The following COL25A1 variants were observed in gnomAD, a reference collection of about 807,000 sequenced individuals.
COL25A1 encodes the protein collagen type XXV alpha 1 chain.
Under a neutral mutation model 128.4 loss-of-function variants are expected in COL25A1, and 103 were observed. That is an observed-to-expected ratio of 0.80 (90% confidence interval 0.68 to 0.94). The LOEUF (loss-of-function observed/expected upper bound fraction) is 0.94, where lower values mean the gene tolerates loss of function less well. COL25A1 is among the 40% of genes least tolerant of loss of function. COL25A1 has a pLI of 0.00. For missense variants in COL25A1, 745 were observed against 840.0 expected (o/e 0.89, Z 1.40); for synonymous variants, 279 against 277.2 (o/e 1.01, Z -0.06).
chr4:109,208,254 T>G (rs1777170415), intron 3 of COL25A1, among the ~76,000 whole-genome samples: 1 of 152,180 alleles, frequency 6.6e-6, no homozygotes, highest in Non-Finnish European at 1.5e-5. Flanking sequence ...GAGGTAGCTC[T>G]TATGCTTGTG....
intron 3 of COL25A1, among the ~76,000 whole-genome samples, chr4:109,288,246 A>C (rs903296347): frequency 6.6e-6 from 1 of 152,162 alleles, no homozygotes; most frequent in African/African-American, 2.4e-5. Context: ...GAAAAAGAAA[A>C]AGGCTAGATA....
At chr4:109,066,469 T>C (rs1762457695) in intron 3 of COL25A1, among the ~76,000 whole-genome samples, 1 of 152,212 alleles carries the variant, frequency 6.6e-6, no homozygotes, top group South Asian at 2.1e-4. Flanking sequence ...TCCATCATCA[T>C]TACAGCACAT....
intron 19 of COL25A1, among the ~76,000 whole-genome samples, chr4:108,876,507 A>G (rs1055972991): frequency 6.6e-6 from 1 of 152,152 alleles, no homozygotes; most frequent in Non-Finnish European, 1.5e-5. Context: ...TACTCTTGGG[A>G]CAAACAGAAT....
At position 108,818,880 on chromosome 4, in the gene COL25A1, A is replaced by C. The variant is rs555288402; in HGVS notation, c.1923+372T>G. The stretch of plus-strand genomic sequence containing the variant: ...ATACCTTTTTTTTTTTTTAGAGAAA[A>C]AGAAAAAAAGTCAAACTTAGGTGGA... On this transcript the variant is annotated intron_variant, in intron 36 of 37. Coordinates refer to ENST00000399132, the MANE Select transcript of COL25A1 (RefSeq NM_198721.4). Among the ~76,000 whole-genome samples, 4 of 152,048 alleles carry C rather than the reference A, an allele frequency of 2.6e-5. No homozygotes were observed. In the South Asian group the frequency reaches 8.3e-4, roughly 32 times the overall value.
chr4:108,974,211 A>AAG (rs774530774), intron 8 of COL25A1, among the ~76,000 whole-genome samples, 156 bp downstream of exon 8: 117 of 152,226 alleles, frequency 7.7e-4, no homozygotes, highest in Non-Finnish European at 2.9e-4. Flanking sequence ...CCAAATCGTT[A>AAG]ATCAGGTTTT....
At chr4:108,996,592 G>C (rs1353725336) in intron 6 of COL25A1, among the ~76,000 whole-genome samples, 1 of 152,112 alleles carries the variant, frequency 6.6e-6, no homozygotes, top group Non-Finnish European at 1.5e-5. Flanking sequence ...GGATACCCAG[G>C]ACGTGAACTC....
At chr4:108,814,042 A>G in intron 37 of COL25A1, 113 bp from the exon 38 acceptor site, 1 of 791,170 alleles carries the variant, frequency 1.3e-6, no homozygotes. Flanking sequence ...AGAGTCTATA[A>G]GCCAACTGAC....
At chr4:108,908,131 C>T (rs1051674296) in intron 13 of COL25A1, among the ~76,000 whole-genome samples, 1 of 152,152 alleles carries the variant, frequency 6.6e-6, no homozygotes, top group African/African-American at 2.4e-5. Context: ...CTTTTTCCAG[C>T]CCCCTGCTCA....
intron 3 of COL25A1, among the ~76,000 whole-genome samples, chr4:109,256,679 G>A (rs919184756): frequency 5.3e-5 from 8 of 152,016 alleles, no homozygotes; most frequent in Non-Finnish European, 1.0e-4. Flanking sequence ...TGAAAATACC[G>A]GGTATTAAAA....
In COL25A1 at chr4:109,083,448, A is replaced by ATTTTTTTTTTT. The variant is rs60165291; in HGVS notation, c.368-33280_368-33270dup. Among the ~76,000 whole-genome samples, 90 of 77,054 alleles carry ATTTTTTTTTTT rather than the reference A, an allele frequency of 1.2e-3. 4 individuals carry two copies. The highest frequency in any genetic ancestry group is 1.5e-3 in the Non-Finnish European group (61 of 40,598). 50.6% of individuals were successfully genotyped at this position (77,054 alleles called of 152,430 possible). On this transcript the variant is annotated intron_variant, in intron 3 of 37. Coordinates refer to ENST00000399132, the MANE Select transcript of COL25A1 (RefSeq NM_198721.4). ...CACCAATAACTTTTACACTAAATAA[A>ATTTTTTTTTTT]TTTTTTTTTTTTTTTTTTTTTTTTT...
intron 3 of COL25A1, among the ~76,000 whole-genome samples, chr4:109,095,985 CACTA>C (rs1395270315): frequency 3.3e-5 from 5 of 152,148 alleles, no homozygotes; most frequent in African/African-American, 7.2e-5. Context: ...AAGATGAATT[CACTA>C]ACTGAGTGAA....
chr4:109,002,058 A>G (rs1047943414), intron 6 of COL25A1, among the ~76,000 whole-genome samples: 4 of 152,196 alleles, frequency 2.6e-5, no homozygotes, highest in Admixed American at 2.6e-4. Context: ...ACAAAAGATA[A>G]CAAGTGTTGG....
At chr4:108,981,430 AC>A (rs1347573602) in intron 6 of COL25A1, among the ~76,000 whole-genome samples, 3 of 152,228 alleles carry the variant, frequency 2.0e-5, no homozygotes, top group African/African-American at 7.2e-5. Flanking sequence ...AGTTAAAATA[AC>A]TTTTTCTGAA....
rs766322830 is a variant in COL25A1, at chr4:108,834,348, G to A, written c.1657-1915C>T. ...ACATGTCAGAGCAAGACAAGGGACTGACTCACCCGGGATCCTGGCTTTCCG... is the reference window on the plus strand; with the variant it reads ...ACATGTCAGAGCAAGACAAGGGACTAACTCACCCGGGATCCTGGCTTTCCG... On this transcript the variant is annotated intron_variant, in intron 31 of 37. Coordinates refer to ENST00000399132, the MANE Select transcript of COL25A1 (RefSeq NM_198721.4). 5 of 1,550,506 alleles carry A rather than the reference G, an allele frequency of 3.2e-6. No homozygotes were observed. In the South Asian group the frequency reaches 5.9e-5, roughly 18 times the overall value.
chr4:109,230,109 C>G (rs974954971), intron 3 of COL25A1, among the ~76,000 whole-genome samples: 3 of 152,134 alleles, frequency 2.0e-5, no homozygotes, highest in Admixed American at 2.0e-4. Context: ...GCCTCCATGA[C>G]CCAAACACCT....
At chr4:109,005,131 G>T (rs999630997) in intron 6 of COL25A1, among the ~76,000 whole-genome samples, 4 of 152,162 alleles carry the variant, frequency 2.6e-5, no homozygotes, top group African/African-American at 9.7e-5. Flanking sequence ...TTCTGCTTCT[G>T]GGGGAGGCCT....
chr4:108,897,493 G>C (rs1742279527), intron 15 of COL25A1, among the ~76,000 whole-genome samples: 1 of 152,098 alleles, frequency 6.6e-6, no homozygotes, highest in Non-Finnish European at 1.5e-5. Context: ...TGGAGCCAGG[G>C]AGACAGACCA....
At chr4:108,841,777 G>C in intron 30 of COL25A1, 56 bp from the exon 31 acceptor site, 7 of 1,321,832 alleles carry the variant, frequency 5.3e-6, no homozygotes, top group Non-Finnish European at 7.6e-6. Context: ...TTCCCAGCAA[G>C]AGTGAATATT....
intron 3 of COL25A1, among the ~76,000 whole-genome samples, chr4:109,132,052 T>C (rs1769267103): frequency 6.6e-6 from 1 of 152,000 alleles, no homozygotes; most frequent in African/African-American, 2.4e-5. Flanking sequence ...GCCAATGAGG[T>C]TTTAAAATGA....
Sources: allele counts gnomAD v4.1 joint callset (sites outside exome capture counted in the v4.1 genomes callset), GRCh38; gene constraint gnomAD v4.1.1; transcripts MANE v1.5; gene names NCBI Gene and HGNC (gene_info 2026-07-23, HGNC 2026-07-21).